Variants in SEC22A observed in about 807,000 individuals in gnomAD.
The protein encoded by SEC22A is SEC22 homolog A, vesicle trafficking protein, also known as vesicle-trafficking protein SEC22a.
Under a neutral mutation model 35.3 loss-of-function variants are expected in SEC22A, and 22 were observed. That is an observed-to-expected ratio of 0.62 (90% confidence interval 0.45 to 0.89). The LOEUF is 0.89. SEC22A is among the 40% of genes least tolerant of loss of function. The probability of loss-of-function intolerance (pLI) is 0.00; values close to 1 mark genes in which losing one functional copy is unlikely to be tolerated. For synonymous variants in SEC22A, 119 were observed against 129.5 expected, an observed-to-expected ratio of 0.92 and a Z score of 0.55; for missense variants, 354 against 362.5, an observed-to-expected ratio of 0.98 and a Z score of 0.19.
intron 2 of SEC22A, among the ~76,000 whole-genome samples, chr3:123,214,633 G>GA (rs1021474032): frequency 6.6e-6 from 1 of 152,054 alleles, no homozygotes; most frequent in Non-Finnish European, 1.5e-5. Flanking sequence ...TACCACTTAA[G>GA]AAAAAAACAT....
chr3:123,220,881 C>CTATATATATATATATATAT (rs1937110221), intron 2 of SEC22A, among the ~76,000 whole-genome samples: 1 of 93,168 alleles, frequency 1.1e-5, no homozygotes, highest in Non-Finnish European at 2.3e-5. Flanking sequence ...TATATATATA[C>CTATATATATATATATATAT]ATATATATAT....
intron 5 of SEC22A, among the ~76,000 whole-genome samples, chr3:123,253,985 TAACAA>T (rs1937665413): frequency 6.6e-6 from 1 of 151,492 alleles, no homozygotes; most frequent in Non-Finnish European, 1.5e-5. Context: ...AAAATAAAAA[TAACAA>T]AAAAGAGTTG....
At chr3:123,247,583 A>G (rs181279216) in intron 5 of SEC22A, among the ~76,000 whole-genome samples, 1 of 152,338 alleles carries the variant, frequency 6.6e-6, no homozygotes, top group East Asian at 1.9e-4. Flanking sequence ...TGCTTTTGAG[A>G]TACTGCAACA....
At chr3:123,234,843 C>T (rs1269146286) in intron 4 of SEC22A, among the ~76,000 whole-genome samples, 2 of 151,672 alleles carry the variant, frequency 1.3e-5, no homozygotes, top group South Asian at 2.1e-4. Flanking sequence ...GGCAACATGG[C>T]GAAACCTCAT....
At position 123,246,901 on chromosome 3, in the gene SEC22A, C is replaced by T. The variant is rs75085166; in HGVS notation, c.657+887C>T. ...GGAACCCTCAGAGGGTATCTTTCTGCATCTGTTTAGCCATGTAAAGCCAAC... is the reference window on the plus strand; with the variant it reads ...GGAACCCTCAGAGGGTATCTTTCTGTATCTGTTTAGCCATGTAAAGCCAAC... On this transcript the variant is annotated intron_variant, in intron 5 of 6. Transcript: ENST00000492595. 3.3e-4 allele frequency among the ~76,000 whole-genome samples: 51 copies of T among 152,308 alleles called. No individual in the cohort carries two copies. The East Asian group carries it at 9.7e-3, about 29-fold the overall frequency.
At chr3:123,260,859 G>A (rs1346271828) in intron 6 of SEC22A, among the ~76,000 whole-genome samples, 3 of 138,710 alleles carry the variant, frequency 2.2e-5, no homozygotes, top group African/African-American at 5.5e-5. Context: ...TTTTTTTGAC[G>A]GAGTCTCGCT....
At chr3:123,260,071 G>C (rs1326004825) in intron 6 of SEC22A, among the ~76,000 whole-genome samples, 2 of 142,514 alleles carry the variant, frequency 1.4e-5, no homozygotes, top group Non-Finnish European at 3.0e-5. Flanking sequence ...GGCAGAGGTT[G>C]CAGTGAGCCA....
intron 6 of SEC22A, among the ~76,000 whole-genome samples, chr3:123,270,451 CAGAG>C (rs1345229783): frequency 2.0e-5 from 3 of 152,164 alleles, no homozygotes; most frequent in Non-Finnish European, 2.9e-5. Flanking sequence ...CACAGTTTCT[CAGAG>C]AGACCTGGGC....
At chr3:123,214,918 C>T (rs535373998) in intron 2 of SEC22A, among the ~76,000 whole-genome samples, 1 of 152,146 alleles carries the variant, frequency 6.6e-6, no homozygotes, top group South Asian at 2.1e-4. Flanking sequence ...TTTTCCTTGC[C>T]TGAGGGTTCA....
intron 4 of SEC22A, among the ~76,000 whole-genome samples, chr3:123,229,377 C>T (rs959587474): frequency 6.6e-6 from 1 of 152,032 alleles, no homozygotes; most frequent in African/African-American, 2.4e-5. Flanking sequence ...CTTAGCAGAA[C>T]CAATAGAGAC....
At chr3:123,259,396 A>G in intron 5 of SEC22A, 128 bp from the exon 6 acceptor site, 2 of 651,230 alleles carry the variant, frequency 3.1e-6, no homozygotes, top group South Asian at 4.0e-5. Flanking sequence ...GACTCTTGAG[A>G]ATTTCTATAT....
Position 123,271,630 on chromosome 3 carries a change from C to A in SEC22A, c.832C>A (p.Gln278Lys). 1 of 1,614,226 alleles carries A rather than the reference C, an allele frequency of 6.2e-7. No homozygotes were observed. The highest frequency in any genetic ancestry group is 8.5e-7 in the Non-Finnish European group (1 of 1,180,034). Residue 278 changes from glutamine (Q) to lysine (K), a missense_variant, in exon 7 of 7, where the codon CAG becomes AAG. By Grantham distance (53) the Gln-to-Lys change is moderately conservative. Transcript: ENST00000492595. Reference sequence around the variant, plus strand: ...TCTCTATGAACTGCGCAACCTCTGGCAGCTTTTCTTTCATGTGACTGTGGG... The same window carrying A: ...TCTCTATGAACTGCGCAACCTCTGGAAGCTTTTCTTTCATGTGACTGTGGG... ...MYLYELRNLW[Q>K]LFFHVTVGAF...
chr3:123,269,298 A>C (rs910688623), intron 6 of SEC22A, among the ~76,000 whole-genome samples: 1 of 151,930 alleles, frequency 6.6e-6, no homozygotes, highest in African/African-American at 2.4e-5. Flanking sequence ...ATATAAAATC[A>C]CCATTAAGCG....
chr3:123,234,150 G>T (rs1937375210), intron 4 of SEC22A, among the ~76,000 whole-genome samples: 1 of 152,166 alleles, frequency 6.6e-6, no homozygotes, highest in African/African-American at 2.4e-5. Context: ...ATGACAAATA[G>T]TCTCATGTTC....
chr3:123,228,402 TAAAAAAA>T (rs754123559), intron 4 of SEC22A, among the ~76,000 whole-genome samples: 1 of 90,148 alleles, frequency 1.1e-5, no homozygotes, highest in Admixed American at 1.2e-4. Context: ...CCGTCTCTAC[TAAAAAAA>T]AAAAAAAAAA....
chr3:123,210,072 T>C (rs939193548), intron 2 of SEC22A, among the ~76,000 whole-genome samples: 5 of 152,220 alleles, frequency 3.3e-5, no homozygotes, highest in African/African-American at 1.2e-4. Flanking sequence ...GGGCAAGTTA[T>C]GTAGTGAGTT....
In SEC22A at chr3:123,223,629, T is replaced by A; in HGVS notation, c.253T>A (p.Ser85Thr). The A allele has an allele frequency of 6.2e-7, 1 of 1,613,576 alleles. No homozygotes were observed. The highest frequency in any genetic ancestry group is 1.1e-5 in the South Asian group (1 of 91,076). ...AAATTACCCAAATGTTCTCGCCTTCTCTTTCCTGGATGAGCTTCAGAAGGA... is the reference window on the plus strand; with the variant it reads ...AAATTACCCAAATGTTCTCGCCTTCACTTTCCTGGATGAGCTTCAGAAGGA... ...TENYPNVLAF[S>T]FLDELQKEFI... Residue 85 changes from serine (S) to threonine (T), a missense_variant, in exon 3 of 7, where the codon TCT becomes ACT. By Grantham distance (58) the Ser-to-Thr change is moderately conservative. Transcript: ENST00000492595.
chr3:123,227,186 ATTTG>A (rs1937230928), intron 4 of SEC22A, among the ~76,000 whole-genome samples: 1 of 151,888 alleles, frequency 6.6e-6, no homozygotes, highest in Non-Finnish European at 1.5e-5. Context: ...TTGTCAGACT[ATTTG>A]TTTAAGAAAA....
At chr3:123,224,545 C>T (rs1047080024) in intron 3 of SEC22A, among the ~76,000 whole-genome samples, 3 of 152,060 alleles carry the variant, frequency 2.0e-5, no homozygotes, top group African/African-American at 7.2e-5. Context: ...CCTTTTATCC[C>T]AGCACTTTGG....
Sources: gnomAD v4.1 joint callset for allele counts (sites outside exome capture counted in the v4.1 genomes callset) on GRCh38, gnomAD v4.1.1 for gene constraint, MANE v1.5 for transcripts, NCBI Gene and HGNC (gene_info 2026-07-23, HGNC 2026-07-21) for gene names.